ARHGAP15: variants seen among roughly 807,000 people sequenced by gnomAD.
ARHGAP15 encodes the protein Rho GTPase activating protein 15.
A neutral mutation model predicts 63.7 loss-of-function variants in ARHGAP15; 51 were observed. That is an observed-to-expected ratio of 0.80 (90% CI 0.64 to 1.01). The LOEUF is 1.01. ARHGAP15 is among the 50% of genes least tolerant of loss of function. The probability of loss-of-function intolerance (pLI) is 0.00; values close to 1 mark genes in which losing one functional copy is unlikely to be tolerated. For missense variants in ARHGAP15, 560 were observed against 564.6 expected (o/e 0.99, Z 0.08); for synonymous variants, 191 against 193.8 (o/e 0.99, Z 0.12).
chr2:143,577,063 T>C (rs1050919552), intron 11 of ARHGAP15, among the ~76,000 whole-genome samples: 1 of 152,164 alleles, frequency 6.6e-6, no homozygotes, highest in African/African-American at 2.4e-5. Flanking sequence ...CAATGGAATG[T>C]ATAAGTAAAG....
At chr2:143,486,527 A>G (rs1326675457) in intron 8 of ARHGAP15, among the ~76,000 whole-genome samples, 1 of 152,080 alleles carries the variant, frequency 6.6e-6, no homozygotes, top group Non-Finnish European at 1.5e-5. Context: ...TGATCACACC[A>G]CTACACTCCA....
chr2:143,406,920 G>A (rs532323028), intron 6 of ARHGAP15, among the ~76,000 whole-genome samples: 1 of 151,900 alleles, frequency 6.6e-6, no homozygotes, highest in Non-Finnish European at 1.5e-5. Flanking sequence ...GAAAGGGGAT[G>A]AAAGTTGTAC....
chr2:143,571,903 G>A (rs1004656139), intron 11 of ARHGAP15: 7 of 152,202 alleles, frequency 4.6e-5, no homozygotes, highest in Admixed American at 4.6e-4. Context: ...GTCTTTCAGA[G>A]CAAGATGCAC....
intron 6 of ARHGAP15, among the ~76,000 whole-genome samples, chr2:143,255,622 A>C (rs1048796574): frequency 2.0e-5 from 3 of 151,476 alleles, no homozygotes; most frequent in African/African-American, 7.3e-5. Flanking sequence ...TCTTAAAAAA[A>C]CATAATTTTA....
intron 8 of ARHGAP15, among the ~76,000 whole-genome samples, chr2:143,438,195 T>C (rs1039800454): frequency 6.6e-6 from 1 of 152,122 alleles, no homozygotes; most frequent in Non-Finnish European, 1.5e-5. Flanking sequence ...TCCTAAACTT[T>C]AGAATTTAAA....
intron 8 of ARHGAP15, among the ~76,000 whole-genome samples, chr2:143,460,360 C>T (rs1342616221): frequency 6.6e-6 from 1 of 152,120 alleles, no homozygotes; most frequent in African/African-American, 2.4e-5. Context: ...CATGTGACTA[C>T]AATATGTATT....
chr2:143,142,549 A>C (rs915105221), intron 1 of ARHGAP15, among the ~76,000 whole-genome samples: 12 of 152,142 alleles, frequency 7.9e-5, no homozygotes, highest in African/African-American at 2.9e-4. Flanking sequence ...CTAAGTCATA[A>C]CAAATACATT....
At chr2:143,400,668 A>T (rs2104995166) in intron 6 of ARHGAP15, among the ~76,000 whole-genome samples, 1 of 152,112 alleles carries the variant, frequency 6.6e-6, no homozygotes, top group Admixed American at 6.6e-5. Flanking sequence ...TACCTTTAGG[A>T]AATACGTTGA....
chr2:143,372,712 T>C (rs1258509513), intron 6 of ARHGAP15, among the ~76,000 whole-genome samples: 1 of 152,170 alleles, frequency 6.6e-6, no homozygotes, highest in Non-Finnish European at 1.5e-5. Context: ...CAATGTCAAA[T>C]TGTGGAATTC....
chr2:143,580,834 AGGATCATATT>A (rs1696871325), intron 11 of ARHGAP15, among the ~76,000 whole-genome samples: 1 of 152,162 alleles, frequency 6.6e-6, no homozygotes, highest in African/African-American at 2.4e-5. Context: ...CCTCATGGAT[AGGATCATATT>A]TGACTTTTAT....
At position 143,305,789 on chromosome 2, in the gene ARHGAP15, G is replaced by A. The variant is rs1321685507; in HGVS notation, c.474+55189G>A. On this transcript the variant is annotated intron_variant, in intron 6 of 13. Transcript: ENST00000295095. ...TCTAAAGTGAAGCAAGTAGCATGTC[G>A]GTGCTTTAGGAAAACTGGTTCTTCT... 2.6e-5 allele frequency among the ~76,000 whole-genome samples: 4 copies of A among 151,992 alleles called. No homozygotes were observed. The South Asian group carries it at 6.2e-4, about 24-fold the overall frequency.
chr2:143,305,025 A>G (rs1683104209), intron 6 of ARHGAP15, among the ~76,000 whole-genome samples: 1 of 152,080 alleles, frequency 6.6e-6, no homozygotes. Context: ...ACACATGCAC[A>G]CATATGTCTA....
intron 5 of ARHGAP15, among the ~76,000 whole-genome samples, chr2:143,231,126 G>A (rs777507645): frequency 3.1e-4 from 43 of 139,672 alleles, no homozygotes; most frequent in Non-Finnish European, 5.3e-4. Context: ...ACTTCTTTGA[G>A]CTTCAGAATC....
chr2:143,606,094 A>G (rs1698017489), intron 11 of ARHGAP15, among the ~76,000 whole-genome samples: 1 of 136,956 alleles, frequency 7.3e-6, no homozygotes, highest in African/African-American at 2.7e-5. Context: ...CTCTTTCGCT[A>G]CCTGTGTTTT....
At chr2:143,504,400 T>C (rs978754432) in intron 9 of ARHGAP15, among the ~76,000 whole-genome samples, 3 of 152,092 alleles carry the variant, frequency 2.0e-5, no homozygotes, top group South Asian at 2.1e-4. Flanking sequence ...GAAGGAAATA[T>C]TCTGCCTCAA....
At chr2:143,129,962 CTAAT>C (rs1366332803) in intron 1 of ARHGAP15, among the ~76,000 whole-genome samples, 1 of 152,052 alleles carries the variant, frequency 6.6e-6, no homozygotes, top group Non-Finnish European at 1.5e-5. Flanking sequence ...TACTATGTAG[CTAAT>C]TAAAAAGCAA....
At chr2:143,393,194 T>A (rs1314065828) in intron 6 of ARHGAP15, among the ~76,000 whole-genome samples, 2 of 152,150 alleles carry the variant, frequency 1.3e-5, no homozygotes, top group Non-Finnish European at 2.9e-5. Context: ...TAGCTTCCTC[T>A]CTCTTTTGCC....
chr2:143,305,725 G>A (rs969971957), intron 6 of ARHGAP15, among the ~76,000 whole-genome samples: 10 of 151,974 alleles, frequency 6.6e-5, no homozygotes, highest in African/African-American at 2.2e-4. Flanking sequence ...TCTTATTGCA[G>A]CGTTTAACTG....
chr2:143,544,805 A>G (rs1377809436), intron 10 of ARHGAP15, among the ~76,000 whole-genome samples: 2 of 152,200 alleles, frequency 1.3e-5, no homozygotes, highest in Non-Finnish European at 2.9e-5. Context: ...ACACAGGTCC[A>G]TCTGCCAAGC....
Sources: allele counts gnomAD v4.1 joint callset (sites outside exome capture counted in the v4.1 genomes callset), GRCh38; gene constraint gnomAD v4.1.1; transcripts MANE v1.5; gene names NCBI Gene and HGNC (gene_info 2026-07-23, HGNC 2026-07-21).